Variants in RNF6 observed in about 807,000 individuals in gnomAD.
The protein encoded by RNF6 is ring finger protein 6, also known as E3 ubiquitin-protein ligase RNF6.
In RNF6, 21 loss-of-function variants were observed where a neutral mutation model predicts 50.1. The observed-to-expected ratio is 0.42, with a 90% confidence interval of 0.30 to 0.60. RNF6 has a LOEUF of 0.60. Among genes scored for constraint, RNF6 ranks in the 20% least tolerant of loss-of-function variants. RNF6 has a pLI of 0.20. For synonymous variants in RNF6, 255 were observed against 291.8 expected, an observed-to-expected ratio of 0.87 and a Z score of 1.29; for missense variants, 698 against 838.2, an observed-to-expected ratio of 0.83 and a Z score of 2.07.
At chr13:26,139,288 T>C (rs1300861019) in intron 5 of RNF6, among the ~76,000 whole-genome samples, 1 of 152,176 alleles carries the variant, frequency 6.6e-6, no homozygotes, top group Non-Finnish European at 1.5e-5. Flanking sequence ...ACTGGAATTA[T>C]GAGGACTGAC....
At chr13:26,176,525 A>G (rs1462754906) in intron 5 of RNF6, among the ~76,000 whole-genome samples, 4 of 152,158 alleles carry the variant, frequency 2.6e-5, no homozygotes, top group Admixed American at 2.0e-4. Context: ...TGACATCCTG[A>G]CCCCTAGTAC....
chr13:26,188,593 T>C (rs562580290), intron 5 of RNF6, among the ~76,000 whole-genome samples: 2 of 135,394 alleles, frequency 1.5e-5, no homozygotes, highest in Middle Eastern at 3.9e-3. Flanking sequence ...TCCCTTTTAG[T>C]GGGGGCTTTA....
rs116903359 is a variant in RNF6 at position 26,151,892 on chromosome 13, C to T, written n.769-19441G>A. 3.3e-4 allele frequency among the ~76,000 whole-genome samples: 51 copies of T among 152,296 alleles called. No individual in the cohort carries two copies. In the East Asian group the frequency reaches 9.5e-3, roughly 28 times the overall value. ...TCTTCTCCATTTCTCTGGGGTGCAG[C>T]TCCAAGCTGGTCCCTCTACCCGTGG... is the stretch of plus-strand genomic sequence containing the variant. On this transcript the variant is annotated intron_variant and non_coding_transcript_variant, in intron 5 of 5. Transcript: ENST00000468480.
chr13:26,188,704 A>G (rs1873675924), intron 5 of RNF6, among the ~76,000 whole-genome samples: 1 of 125,744 alleles, frequency 8.0e-6, no homozygotes, highest in Non-Finnish European at 1.6e-5. Flanking sequence ...ATCTCGGCTC[A>G]CTGCAACCTC....
intron 5 of RNF6, among the ~76,000 whole-genome samples, chr13:26,206,221 G>A (rs916039493): frequency 6.6e-5 from 10 of 150,972 alleles, no homozygotes; most frequent in African/African-American, 2.4e-4. Flanking sequence ...CGTCCCTGCT[G>A]GTTGGGGAGG....
chr13:26,196,348 A>G (rs301065), intron 5 of RNF6, among the ~76,000 whole-genome samples: 150,005 of 152,322 alleles, frequency 0.98, 73,907 homozygotes, highest in East Asian at 1. Flanking sequence ...TCAAAAATGA[A>G]GAAGAAATAA....
intron 5 of RNF6, among the ~76,000 whole-genome samples, chr13:26,161,383 A>G (rs149354380): frequency 6.6e-6 from 1 of 152,308 alleles, no homozygotes; most frequent in African/African-American, 2.4e-5. Flanking sequence ...TTCTGAATAA[A>G]ATTTTATGAA....
chr13:26,157,490 G>C (rs1022439211), intron 5 of RNF6, among the ~76,000 whole-genome samples: 5 of 151,890 alleles, frequency 3.3e-5, no homozygotes, highest in Non-Finnish European at 5.9e-5. Context: ...ATTTGAAAAA[G>C]GTGTTATTAT....
intron 5 of RNF6, among the ~76,000 whole-genome samples, chr13:26,178,532 A>G (rs1476183769): frequency 6.6e-6 from 1 of 151,026 alleles, no homozygotes; most frequent in East Asian, 2.0e-4. Flanking sequence ...GAGGGCACCC[A>G]AAAACATTCA....
intron 4 of RNF6, among the ~76,000 whole-genome samples, chr13:26,218,259 ATTAAC>A (rs1870099233): frequency 1.3e-5 from 2 of 152,336 alleles, no homozygotes; most frequent in African/African-American, 2.4e-5. Context: ...CATGCTGGGA[ATTAAC>A]TTAATTGTAT....
chr13:26,142,792 T>C (rs889832248), intron 5 of RNF6, among the ~76,000 whole-genome samples: 4 of 152,124 alleles, frequency 2.6e-5, no homozygotes, highest in Non-Finnish European at 4.4e-5. Flanking sequence ...ACCTGGGTGA[T>C]GGGATCAATA....
At chr13:26,211,141 TA>T (rs1177655090), downstream of RNF6, among the ~76,000 whole-genome samples, 1 of 152,248 alleles carries the variant, frequency 6.6e-6, no homozygotes, top group Non-Finnish European at 1.5e-5. Context: ...CAGCCTTGTT[TA>T]TTGGGAAATG....
chr13:26,203,994 G>A (rs1868996273), intron 5 of RNF6, among the ~76,000 whole-genome samples: 1 of 152,040 alleles, frequency 6.6e-6, no homozygotes, highest in South Asian at 2.1e-4. Context: ...TGCAGTCTGA[G>A]GCTTTTCCTG....
chr13:26,165,012 A>T (rs184359262), intron 5 of RNF6, among the ~76,000 whole-genome samples: 1 of 152,338 alleles, frequency 6.6e-6, no homozygotes, highest in Non-Finnish European at 1.5e-5. Context: ...TCTCCAGGAC[A>T]TGTCAGAGGT....
chr13:26,142,375 A>G (rs1272528477), intron 5 of RNF6: 3 of 152,094 alleles, frequency 2.0e-5, no homozygotes, highest in Admixed American at 2.0e-4. Flanking sequence ...CAATTCCATT[A>G]CTACCCCCAA....
intron 5 of RNF6, among the ~76,000 whole-genome samples, chr13:26,176,283 GTCTCT>G (rs1486485242): frequency 7.9e-5 from 12 of 152,078 alleles, no homozygotes; most frequent in Non-Finnish European, 4.4e-5. Flanking sequence ...ACTCTTCCCA[GTCTCT>G]TCTCTTTTTT....
intron 5 of RNF6, among the ~76,000 whole-genome samples, chr13:26,186,935 G>A (rs1226707161): frequency 1.3e-5 from 2 of 152,032 alleles, no homozygotes; most frequent in Non-Finnish European, 2.9e-5. Flanking sequence ...CCGCCACCAC[G>A]CCCGGCTAAT....
intron 2 of RNF6, among the ~76,000 whole-genome samples, chr13:26,220,897 T>C (rs1027244803): frequency 6.6e-6 from 1 of 152,244 alleles, no homozygotes; most frequent in Non-Finnish European, 1.5e-5. Flanking sequence ...TAAAATACTG[T>C]TGGAGTAAGC....
chr13:26,209,417 G>A (rs1869229724), downstream of RNF6, among the ~76,000 whole-genome samples: 1 of 152,214 alleles, frequency 6.6e-6, no homozygotes, highest in Non-Finnish European at 1.5e-5. Flanking sequence ...TATATAATCT[G>A]TACCAGTAAT....
Sources: allele counts gnomAD v4.1 joint callset (sites outside exome capture counted in the v4.1 genomes callset), GRCh38; gene constraint gnomAD v4.1.1; transcripts MANE v1.5; gene names NCBI Gene and HGNC (gene_info 2026-07-23, HGNC 2026-07-21).